The following SDC2 variants were observed in gnomAD, a reference collection of about 807,000 sequenced individuals.
SDC2 encodes syndecan-2.
A neutral mutation model predicts 22.2 loss-of-function variants in SDC2; 13 were observed. The observed-to-expected ratio is 0.59, with a 90% CI of 0.38 to 0.93. SDC2 has a LOEUF of 0.93. Ranked by LOEUF, SDC2 falls within the 40% of genes least tolerant of loss-of-function variation. SDC2 has a pLI of 0.00. For missense variants in SDC2, 235 were observed against 246.8 expected, an observed-to-expected ratio of 0.95 and a Z score of 0.32; for synonymous variants, 94 against 92.8, an observed-to-expected ratio of 1.01 and a Z score of -0.07.
intron 1 of SDC2, among the ~76,000 whole-genome samples, chr8:96,508,159 G>T (rs1471814408): frequency 2.0e-5 from 3 of 152,120 alleles, no homozygotes; most frequent in African/African-American, 7.2e-5. Context: ...AGCCGGGCAT[G>T]GGGGCGGGCG....
intron 1 of SDC2, among the ~76,000 whole-genome samples, chr8:96,551,517 C>T (rs113516260): frequency 3.3e-5 from 5 of 152,082 alleles, no homozygotes; most frequent in South Asian, 2.1e-4. Context: ...GCGAAGAAAC[C>T]GGAGACAGAG....
At chr8:96,524,102 G>A (rs2130467145) in intron 1 of SDC2, among the ~76,000 whole-genome samples, 1 of 152,286 alleles carries the variant, frequency 6.6e-6, no homozygotes, top group South Asian at 2.1e-4. Context: ...TACTTGCGTT[G>A]GGAAACTATG....
At chr8:96,501,905 G>A (rs1813171640) in intron 1 of SDC2, among the ~76,000 whole-genome samples, 1 of 152,074 alleles carries the variant, frequency 6.6e-6, no homozygotes, top group African/African-American at 2.4e-5. Context: ...ATTGAAACAT[G>A]GAATTTATTC....
intron 1 of SDC2, among the ~76,000 whole-genome samples, chr8:96,502,472 TAGAAGA>T: frequency 1.1e-5 from 1 of 93,746 alleles, no homozygotes; most frequent in African/African-American, 3.5e-5. Flanking sequence ...TCATTCTAGA[TAGAAGA>T]CTACATGACT....
In SDC2 at chr8:96,590,333, C is replaced by A. The variant is rs965348839; in HGVS notation, c.61-3147C>A. ...AGGCTGCAGCTCTGGACTTGTGCTT[C>A]TGCACGTTTCCTTCCAGTTGCTTTC... On this transcript the variant is annotated intron_variant, in intron 1 of 4. Coordinates refer to ENST00000302190, the MANE Select transcript of SDC2 (RefSeq NM_002998.4). Among the ~76,000 whole-genome samples the A allele has an allele frequency of 1.6e-4, 24 of 152,370 alleles. No homozygotes were observed. The East Asian group carries it at 4.6e-3, about 29-fold the overall frequency.
chr8:96,521,010 C>T (rs1291650575), intron 1 of SDC2, among the ~76,000 whole-genome samples: 1 of 152,148 alleles, frequency 6.6e-6, no homozygotes, highest in Non-Finnish European at 1.5e-5. Context: ...TTTTAAGACC[C>T]TTTCATTTTA....
At chr8:96,591,087 G>A (rs1814773309) in intron 1 of SDC2, among the ~76,000 whole-genome samples, 2 of 152,202 alleles carry the variant, frequency 1.3e-5, no homozygotes, top group South Asian at 4.1e-4. Flanking sequence ...TGGCCCATCT[G>A]CCTGGTAGCA....
intron 4 of SDC2, 36 bp from the exon 5 acceptor site, chr8:96,609,348 AT>A: frequency 6.4e-7 from 1 of 1,553,038 alleles, no homozygotes; most frequent in Non-Finnish European, 8.7e-7. Context: ...CAACCCTTGA[AT>A]CTCTTCTAAA....
chr8:96,522,997 T>C (rs551653022), intron 1 of SDC2, among the ~76,000 whole-genome samples: 62 of 152,326 alleles, frequency 4.1e-4, no homozygotes, highest in Non-Finnish European at 8.8e-5. Flanking sequence ...TTACTTGGCG[T>C]TTGGATGGAA....
intron 1 of SDC2, among the ~76,000 whole-genome samples, chr8:96,507,461 A>T (rs551977468): frequency 1.2e-4 from 19 of 152,308 alleles, no homozygotes; most frequent in African/African-American, 4.3e-4. Context: ...TTCCAGCAAA[A>T]CTGTGCTCCA....
At chr8:96,558,297 G>A (rs1038128500) in intron 1 of SDC2, among the ~76,000 whole-genome samples, 10 of 152,042 alleles carry the variant, frequency 6.6e-5, no homozygotes, top group Non-Finnish European at 1.3e-4. Context: ...TCAGAGTTTG[G>A]GCATTGGGAG....
intron 1 of SDC2, among the ~76,000 whole-genome samples, chr8:96,499,824 C>T (rs542492505): frequency 6.6e-6 from 1 of 151,198 alleles, no homozygotes; most frequent in East Asian, 1.9e-4. Flanking sequence ...TCTTACCTCT[C>T]TGACATTCTA....
intron 1 of SDC2, chr8:96,584,876 C>G (rs565960135): frequency 6.6e-6 from 1 of 152,334 alleles, no homozygotes; most frequent in South Asian, 2.1e-4. Context: ...CATAATCCCA[C>G]TCAAAGTCCC....
chr8:96,557,781 A>T (rs184829306), intron 1 of SDC2, among the ~76,000 whole-genome samples: 11 of 152,270 alleles, frequency 7.2e-5, no homozygotes, highest in Admixed American at 1.3e-4. Context: ...ATAATAATAA[A>T]AAAAAAAGAA....
intron 2 of SDC2, among the ~76,000 whole-genome samples, chr8:96,602,100 A>T (rs1177032883): frequency 6.6e-6 from 1 of 152,070 alleles, no homozygotes; most frequent in Non-Finnish European, 1.5e-5. Context: ...TTCAGTGTAG[A>T]TGGGAAAAAA....
intron 1 of SDC2, among the ~76,000 whole-genome samples, chr8:96,528,535 A>T (rs1343561497): frequency 2.0e-5 from 3 of 152,186 alleles, no homozygotes; most frequent in African/African-American, 7.2e-5. Context: ...CAAAGAAAAA[A>T]TTTTTTAAAT....
intron 1 of SDC2, among the ~76,000 whole-genome samples, chr8:96,534,513 T>A (rs1813720582): frequency 4.6e-5 from 7 of 152,160 alleles, no homozygotes; most frequent in Admixed American, 4.6e-4. Flanking sequence ...TAACTCACTG[T>A]AACTTCAAAC....
At chr8:96,600,856 A>G (rs115444634) in intron 2 of SDC2, among the ~76,000 whole-genome samples, 3 of 152,292 alleles carry the variant, frequency 2.0e-5, no homozygotes, top group African/African-American at 7.2e-5. Flanking sequence ...GCCACTGGAT[A>G]TGTGACTTTG....
chr8:96,565,554 A>G (rs1050239582), intron 1 of SDC2, among the ~76,000 whole-genome samples: 1 of 152,146 alleles, frequency 6.6e-6, no homozygotes, highest in Non-Finnish European at 1.5e-5. Flanking sequence ...TAGAGACATA[A>G]TAGGAAGTGT....
Sources: gnomAD v4.1 joint callset for allele counts (sites outside exome capture counted in the v4.1 genomes callset) on GRCh38, gnomAD v4.1.1 for gene constraint, MANE v1.5 for transcripts, NCBI Gene and HGNC (gene_info 2026-07-23, HGNC 2026-07-21) for gene names.